The following LRRC7 variants were observed in gnomAD, a reference collection of about 807,000 sequenced individuals.
LRRC7 encodes leucine-rich repeat-containing protein 7.
LRRC7 carries 23 observed loss-of-function variants against 175.7 expected under a neutral mutation model. That is an observed-to-expected ratio of 0.13 (90% CI 0.09 to 0.19). The LOEUF (loss-of-function observed/expected upper bound fraction) is 0.19. LRRC7 is among the 10% of genes least tolerant of loss of function. LRRC7 has a pLI of 1.00. For missense variants in LRRC7, 1,354 were observed against 1,904.7 expected (o/e 0.71, Z 5.38); for synonymous variants, 685 against 680.9 (o/e 1.01, Z -0.09).
chr1:69,841,422 A>G (rs1221326198), intron 7 of LRRC7, among the ~76,000 whole-genome samples: 6 of 152,018 alleles, frequency 3.9e-5, no homozygotes, highest in Admixed American at 3.9e-4. Context: ...GAAGAAAACA[A>G]CGTTAAGACT....
At chr1:69,815,068 T>C (rs1040907544) in intron 4 of LRRC7, among the ~76,000 whole-genome samples, 2 of 152,134 alleles carry the variant, frequency 1.3e-5, no homozygotes, top group African/African-American at 2.4e-5. Flanking sequence ...GGGCAAAAAT[T>C]CTCTAGGAGC....
intron 7 of LRRC7, among the ~76,000 whole-genome samples, chr1:69,840,153 A>G (rs1291093289): frequency 6.6e-6 from 1 of 151,964 alleles, no homozygotes; most frequent in East Asian, 1.9e-4. Flanking sequence ...TCATTTTATA[A>G]CTCACAGGCC....
chr1:70,057,051 T>G (rs1237510420), intron 23 of LRRC7, among the ~76,000 whole-genome samples: 1 of 152,132 alleles, frequency 6.6e-6, no homozygotes, highest in Non-Finnish European at 1.5e-5. Flanking sequence ...AAGAAACCTG[T>G]AAAACTCAAG....
intron 4 of LRRC7, among the ~76,000 whole-genome samples, chr1:69,822,727 G>T (rs1263057606): frequency 6.6e-6 from 1 of 152,172 alleles, no homozygotes; most frequent in Non-Finnish European, 1.5e-5. Flanking sequence ...TGAGGGTGGG[G>T]TGAAATGGGT....
chr1:69,727,119 C>T (rs761928470), intron 2 of LRRC7, among the ~76,000 whole-genome samples: 12 of 152,156 alleles, frequency 7.9e-5, no homozygotes, highest in Non-Finnish European at 1.5e-5. Context: ...GGCAGCTGGG[C>T]TTTCAAACCA....
At chr1:70,056,636 CTT>C (rs1229471153) in intron 23 of LRRC7, among the ~76,000 whole-genome samples, 2 of 152,156 alleles carry the variant, frequency 1.3e-5, no homozygotes, top group African/African-American at 4.8e-5. Flanking sequence ...GTAGCTCTCT[CTT>C]ATGTGCAAAA....
chr1:69,748,171 A>C (rs1398075507), intron 2 of LRRC7, among the ~76,000 whole-genome samples: 8 of 152,222 alleles, frequency 5.3e-5, no homozygotes, highest in Non-Finnish European at 1.0e-4. Context: ...CGAAGGCACA[A>C]GTACAGCCAT....
At chr1:69,744,845 T>C (rs933739244) in intron 2 of LRRC7, among the ~76,000 whole-genome samples, 3 of 151,942 alleles carry the variant, frequency 2.0e-5, no homozygotes, top group Non-Finnish European at 4.4e-5. Context: ...ATTATAAAAA[T>C]ACACTTCCCT....
intron 2 of LRRC7, 135 bp from the exon 3 acceptor site, chr1:69,760,056 C>A (rs576478577): frequency 3.7e-6 from 3 of 803,326 alleles, no homozygotes; most frequent in Admixed American, 2.9e-5. Context: ...TGATACAATG[C>A]GTGTGTGTGT....
chr1:69,973,508 G>A (rs866821375), intron 8 of LRRC7, among the ~76,000 whole-genome samples: 31 of 152,114 alleles, frequency 2.0e-4, no homozygotes, highest in African/African-American at 2.4e-5. Context: ...TACATGGCAG[G>A]AGTTATTGGA....
At chr1:69,888,946 C>T (rs1645747353) in intron 7 of LRRC7, among the ~76,000 whole-genome samples, 1 of 152,184 alleles carries the variant, frequency 6.6e-6, no homozygotes, top group South Asian at 2.1e-4. Context: ...CTCAGTTTCA[C>T]ACCACCACAA....
chr1:69,968,186 A>G (rs550312658), intron 8 of LRRC7, among the ~76,000 whole-genome samples: 5 of 152,228 alleles, frequency 3.3e-5, no homozygotes, highest in Middle Eastern at 3.4e-3. Flanking sequence ...AATAGAATTG[A>G]ACAAGCAGAA....
chr1:69,597,732 C>T (rs893388019), intron 1 of LRRC7, among the ~76,000 whole-genome samples: 6 of 152,082 alleles, frequency 3.9e-5, no homozygotes, highest in Non-Finnish European at 7.4e-5. Context: ...TAGAGCTATC[C>T]GAGGGACATT....
At chr1:69,695,361 T>C (rs1439235076) in intron 2 of LRRC7, among the ~76,000 whole-genome samples, 1 of 152,218 alleles carries the variant, frequency 6.6e-6, no homozygotes, top group African/African-American at 2.4e-5. Context: ...TCTAACAGCC[T>C]ATCATCAGAT....
rs567052386 is a variant in LRRC7, at chr1:70,134,876, A to G, written c.*12989A>G. On this transcript the variant is annotated 3_prime_UTR_variant, in exon 27 of 27. Transcript: ENST00000651989. ...CAGTGCCACCCATTTTAAAGCAAATACGGCAGGTGTCCACCATTGTTTTGG... is the reference window on the plus strand; with the variant it reads ...CAGTGCCACCCATTTTAAAGCAAATGCGGCAGGTGTCCACCATTGTTTTGG... Among the ~76,000 whole-genome samples the G allele has an allele frequency of 2.6e-5, 4 of 152,326 alleles. No individual in the cohort carries two copies. The highest frequency in any genetic ancestry group is 2.6e-4 in the Admixed American group (4 of 15,292).
chr1:69,732,484 A>T (rs1013219474), intron 2 of LRRC7, among the ~76,000 whole-genome samples: 1 of 152,072 alleles, frequency 6.6e-6, no homozygotes, highest in Admixed American at 6.6e-5. Flanking sequence ...AGTTTTCCCA[A>T]ATTCACAGAA....
In LRRC7 at chr1:70,123,402, T is replaced by C. The variant is rs1210515020; in HGVS notation, c.*1515T>C. ...AATGATGTCACCAGAGCTCTGAGAA[T>C]AATATTTGTAAGTTAACTGTTTTAT... is the stretch of plus-strand genomic sequence containing the variant. On this transcript the variant is annotated 3_prime_UTR_variant, in exon 27 of 27. Coordinates refer to ENST00000651989, the MANE Select transcript of LRRC7 (RefSeq NM_001370785.2). 1 of 152,180 alleles carries C rather than the reference T, an allele frequency of 6.6e-6. No individual in the cohort carries two copies. Among genetic ancestry groups the C allele is most frequent in the Admixed American group, 6.5e-5 (1 of 15,286 alleles). 9.4% of individuals were successfully genotyped at this position (152,180 alleles called of 1,614,324 possible).
chr1:69,781,924 G>GAAAGAAAGAAAAAGAAAGAAAGAA (rs776891138), intron 3 of LRRC7, among the ~76,000 whole-genome samples: 7 of 139,352 alleles, frequency 5.0e-5, no homozygotes, highest in African/African-American at 2.0e-4. Flanking sequence ...AAGAAAGAAA[G>GAAAGAAAGAAAAAGAAAGAAAGAA]AAAGAAAGAA....
intron 26 of LRRC7, among the ~76,000 whole-genome samples, chr1:70,115,371 TATCTC>T (rs1665782958): frequency 6.6e-6 from 1 of 152,192 alleles, no homozygotes; most frequent in Non-Finnish European, 1.5e-5. Context: ...TCGTTTTGTA[TATCTC>T]ATACTTGGGT....
Sources: gnomAD v4.1 joint callset for allele counts (sites outside exome capture counted in the v4.1 genomes callset) on GRCh38, gnomAD v4.1.1 for gene constraint, MANE v1.5 for transcripts, NCBI Gene and HGNC (gene_info 2026-07-23, HGNC 2026-07-21) for gene names.